TASP1: variants seen among roughly 807,000 people sequenced by gnomAD.
The protein encoded by TASP1 is threonine aspartase 1.
A neutral mutation model predicts 56.6 loss-of-function variants in TASP1; 16 were observed. That is an observed-to-expected ratio of 0.28 (90% CI 0.19 to 0.43). The LOEUF is 0.43. Ranked by LOEUF, TASP1 falls within the 20% of genes least tolerant of loss-of-function variation. The pLI is 1.00. For synonymous variants in TASP1, 179 were observed against 184.2 expected, an observed-to-expected ratio of 0.97 and a Z score of 0.23; for missense variants, 393 against 511.6, an observed-to-expected ratio of 0.77 and a Z score of 2.24.
At chr20:13,518,389 A>G (rs944848317) in intron 10 of TASP1, among the ~76,000 whole-genome samples, 6 of 152,116 alleles carry the variant, frequency 3.9e-5, no homozygotes, top group African/African-American at 1.4e-4. Flanking sequence ...TCAGAGAAGA[A>G]AGAGCTATCT....
At chr20:13,496,698 G>A (rs1050718904) in intron 10 of TASP1, among the ~76,000 whole-genome samples, 3 of 152,056 alleles carry the variant, frequency 2.0e-5, no homozygotes, top group African/African-American at 7.2e-5. Flanking sequence ...TAAAATAATG[G>A]TTCTAAATCC....
intron 10 of TASP1, among the ~76,000 whole-genome samples, chr20:13,528,076 A>C (rs1393535715): frequency 6.6e-6 from 1 of 151,868 alleles, no homozygotes; most frequent in Non-Finnish European, 1.5e-5. Flanking sequence ...ACAAAAAATC[A>C]GCCGGGTGTG....
the TASP1 span, among the ~76,000 whole-genome samples, chr20:13,268,347 CCTCTCTCTCTCTCTCT>C: frequency 0.084 from 5,619 of 66,542 alleles, 349 homozygotes; most frequent in Non-Finnish European, 0.11. Context: ...CCTTCTTCTT[CCTCTCTCTCTCTCTCT>C]CTCTCTCTCT....
chr20:13,368,413 A>G, the TASP1 span: 5 of 152,248 alleles, frequency 3.3e-5, no homozygotes, highest in Admixed American at 3.3e-4. Flanking sequence ...CTTGTTTAAT[A>G]TAACTTTCTT....
At chr20:13,287,576 A>G in the TASP1 span, among the ~76,000 whole-genome samples, 2 of 152,190 alleles carry the variant, frequency 1.3e-5, no homozygotes, top group Non-Finnish European at 2.9e-5. Context: ...CTAACATGCC[A>G]TCTAATTCAC....
At chr20:13,270,742 A>T in the TASP1 span, 1 of 1,613,166 alleles carries the variant, frequency 6.2e-7, no homozygotes, top group African/African-American at 1.3e-5. Flanking sequence ...CCAAATATCC[A>T]GGTAATTCTT....
intron 6 of TASP1, among the ~76,000 whole-genome samples, chr20:13,572,450 G>A (rs187569830): frequency 8.9e-4 from 135 of 152,230 alleles, no homozygotes; most frequent in African/African-American, 3.0e-3. Context: ...TTGGGAGGCC[G>A]AGGCAAGTGG....
intron 5 of TASP1, 74 bp from the exon 6 acceptor site, chr20:13,581,055 T>A: frequency 7.1e-7 from 1 of 1,416,014 alleles, no homozygotes; most frequent in Non-Finnish European, 9.7e-7. Flanking sequence ...GTTTTGCAGT[T>A]GTTTCAATAA....
chr20:13,571,130 C>T (rs2046698583), intron 6 of TASP1, among the ~76,000 whole-genome samples: 1 of 152,016 alleles, frequency 6.6e-6, no homozygotes, highest in Admixed American at 6.6e-5. Flanking sequence ...AATCAATTTG[C>T]TATTGTCAAC....
chr20:13,180,183 A>G, the TASP1 span, among the ~76,000 whole-genome samples: 4 of 152,354 alleles, frequency 2.6e-5, no homozygotes, highest in Middle Eastern at 3.4e-3. Context: ...TGCTTCAGGA[A>G]TCATGACACT....
chr20:13,264,027 G>A, the TASP1 span, among the ~76,000 whole-genome samples: 1 of 152,026 alleles, frequency 6.6e-6, no homozygotes, highest in East Asian at 1.9e-4. Flanking sequence ...CCTGTAGCCT[G>A]AGCCTAATTA....
At chr20:13,352,868 T>C in the TASP1 span, among the ~76,000 whole-genome samples, 1 of 152,352 alleles carries the variant, frequency 6.6e-6, no homozygotes, top group South Asian at 2.1e-4. Flanking sequence ...TTCTCCATCA[T>C]GCACCTCTGT....
At chr20:13,537,999 A>G (rs1318156549) in intron 8 of TASP1, among the ~76,000 whole-genome samples, 1 of 150,096 alleles carries the variant, frequency 6.7e-6, no homozygotes, top group Non-Finnish European at 1.5e-5. Flanking sequence ...ACCATCTATC[A>G]GTCTTTTTTT....
intron 7 of TASP1, among the ~76,000 whole-genome samples, chr20:13,560,896 G>C (rs1427811590): frequency 6.6e-6 from 1 of 152,186 alleles, no homozygotes; most frequent in Non-Finnish European, 1.5e-5. Context: ...TAGGAAAACT[G>C]AGAGATCCAT....
intron 11 of TASP1, among the ~76,000 whole-genome samples, chr20:13,437,102 A>G (rs1201185522): frequency 6.6e-6 from 1 of 152,072 alleles, no homozygotes; most frequent in Non-Finnish European, 1.5e-5. Context: ...CGATGCAAAA[A>G]TCCTCAATAA....
intron 13 of TASP1, among the ~76,000 whole-genome samples, chr20:13,404,532 G>T (rs537759286): frequency 2.0e-5 from 3 of 152,282 alleles, no homozygotes; most frequent in East Asian, 3.9e-4. Flanking sequence ...TTTGAGCCCA[G>T]GAATTTGAGG....
At chr20:13,499,140 T>C (rs1390166132) in intron 10 of TASP1, among the ~76,000 whole-genome samples, 2 of 152,070 alleles carry the variant, frequency 1.3e-5, no homozygotes, top group African/African-American at 4.8e-5. Context: ...TAAAAAAGAA[T>C]GAAAATATGT....
At chr20:13,584,744 T>C (rs1230081140) in intron 5 of TASP1, among the ~76,000 whole-genome samples, 1 of 151,930 alleles carries the variant, frequency 6.6e-6, no homozygotes, top group Non-Finnish European at 1.5e-5. Context: ...CTGGCCACAG[T>C]GGAATTAAAC....
intron 10 of TASP1, among the ~76,000 whole-genome samples, chr20:13,524,841 C>T (rs2044910282): frequency 6.6e-6 from 1 of 152,068 alleles, no homozygotes; most frequent in Non-Finnish European, 1.5e-5. Flanking sequence ...CCTTCAGTTA[C>T]GTGCCGTGTT....
Sources: allele counts gnomAD v4.1 joint callset (sites outside exome capture counted in the v4.1 genomes callset), GRCh38; gene constraint gnomAD v4.1.1; transcripts MANE v1.5; gene names NCBI Gene and HGNC (gene_info 2026-07-23, HGNC 2026-07-21).